Variants in SYT1 observed in about 807,000 individuals in gnomAD.
SYT1 encodes synaptotagmin-1.
In SYT1, 8 loss-of-function variants were observed where a neutral mutation model predicts 44.8. The ratio of observed to expected loss-of-function variants is 0.18; its 90% confidence interval spans 0.10 to 0.32. SYT1 has a LOEUF of 0.32. SYT1 is among the 10% of genes least tolerant of loss of function. The probability of loss-of-function intolerance (pLI) is 1.00; values close to 1 mark genes in which losing one functional copy is unlikely to be tolerated. For synonymous variants in SYT1, 154 were observed against 188.8 expected, an observed-to-expected ratio of 0.82 and a Z score of 1.51; for missense variants, 286 against 509.3, an observed-to-expected ratio of 0.56 and a Z score of 4.22.
chr12:79,241,002 A>T (rs1876471090), intron 4 of SYT1, among the ~76,000 whole-genome samples: 1 of 152,072 alleles, frequency 6.6e-6, no homozygotes, highest in Non-Finnish European at 1.5e-5. Context: ...GCAAGATCCC[A>T]TCTCTATAAA....
At chr12:79,290,851 C>A (rs1223355717) in intron 5 of SYT1, among the ~76,000 whole-genome samples, 1 of 152,140 alleles carries the variant, frequency 6.6e-6, no homozygotes, top group East Asian at 1.9e-4. Flanking sequence ...AGGATATGTA[C>A]AGGCAGTCCC....
intron 3 of SYT1, among the ~76,000 whole-genome samples, chr12:79,104,426 A>G (rs1470848952): frequency 1.3e-5 from 2 of 152,106 alleles, no homozygotes; most frequent in Non-Finnish European, 2.9e-5. Context: ...TAATCGCTAC[A>G]AAATCCTAAG....
At chr12:79,293,380 TAAAATAAAATAAAATAAAATAAAATAAAA>T (rs1565894538) in intron 6 of SYT1, among the ~76,000 whole-genome samples, 17 of 135,158 alleles carry the variant, frequency 1.3e-4, no homozygotes, top group African/African-American at 5.0e-4. Flanking sequence ...TAAAATAAAA[TAAAATAAAATAAAATAAAATAAAATAAAA>T]TTAAAAAATC....
chr12:78,952,213 T>G (rs966756808), intron 1 of SYT1, among the ~76,000 whole-genome samples: 1 of 152,096 alleles, frequency 6.6e-6, no homozygotes, highest in African/African-American at 2.4e-5. Context: ...TTTCATAATA[T>G]AATAAAACTT....
chr12:79,245,473 C>CAA (rs1273397377), intron 4 of SYT1, among the ~76,000 whole-genome samples: 1,461 of 43,546 alleles, frequency 0.034, 72 homozygotes, highest in African/African-American at 0.11. Context: ...ACTCCGTCAA[C>CAA]AAAAAAAAAA....
At chr12:78,917,745 G>A (rs891100879) in intron 1 of SYT1, among the ~76,000 whole-genome samples, 5 of 151,974 alleles carry the variant, frequency 3.3e-5, no homozygotes, top group East Asian at 1.9e-4. Context: ...TGGTTGTTTT[G>A]TAATCTTGAC....
intron 3 of SYT1, among the ~76,000 whole-genome samples, chr12:79,205,939 CCTCATT>C (rs998198067): frequency 6.6e-6 from 1 of 151,988 alleles, no homozygotes; most frequent in Non-Finnish European, 1.5e-5. Flanking sequence ...CATATTTTCT[CCTCATT>C]CTTTAGGAAA....
At chr12:79,180,439 T>C (rs1413285405) in intron 3 of SYT1, among the ~76,000 whole-genome samples, 1 of 150,948 alleles carries the variant, frequency 6.6e-6, no homozygotes, top group Non-Finnish European at 1.5e-5. Flanking sequence ...ATTCTCACAT[T>C]GTTATAAAGA....
chr12:79,196,503 A>G (rs1010564319), intron 3 of SYT1, among the ~76,000 whole-genome samples: 1 of 152,174 alleles, frequency 6.6e-6, no homozygotes, highest in Non-Finnish European at 1.5e-5. Flanking sequence ...CTCCTCTCAA[A>G]CTCGAAGAAC....
intron 1 of SYT1, among the ~76,000 whole-genome samples, chr12:78,961,700 T>C (rs1879513550): frequency 6.6e-6 from 1 of 152,090 alleles, no homozygotes; most frequent in Non-Finnish European, 1.5e-5. Flanking sequence ...CTTGAAACTA[T>C]TTAGGCAGAA....
At chr12:79,115,132 T>C (rs769095338) in intron 3 of SYT1, among the ~76,000 whole-genome samples, 7 of 152,154 alleles carry the variant, frequency 4.6e-5, no homozygotes, top group Non-Finnish European at 5.9e-5. Context: ...AGTAAAAAGC[T>C]TGTGTAGAAC....
At chr12:78,876,921 AAT>A (rs1565698013) in intron 1 of SYT1, among the ~76,000 whole-genome samples, 3 of 28,104 alleles carry the variant, frequency 1.1e-4, no homozygotes, top group Non-Finnish European at 2.8e-4. Flanking sequence ...TATTATATAT[AAT>A]ATATATTATA....
intron 8 of SYT1, among the ~76,000 whole-genome samples, chr12:79,337,741 C>A (rs150842005): frequency 6.6e-6 from 1 of 152,332 alleles, no homozygotes; most frequent in Non-Finnish European, 1.5e-5. Context: ...AGCACACTTT[C>A]TGGCATATTG....
At chr12:79,310,856 C>T (rs1880746287) in intron 8 of SYT1, among the ~76,000 whole-genome samples, 1 of 152,146 alleles carries the variant, frequency 6.6e-6, no homozygotes, top group Admixed American at 6.6e-5. Context: ...GATTTTTGTA[C>T]ATTGATTTTG....
chr12:79,382,767 C>T (rs949874875), intron 9 of SYT1, among the ~76,000 whole-genome samples: 1 of 152,144 alleles, frequency 6.6e-6, no homozygotes, highest in Non-Finnish European at 1.5e-5. Flanking sequence ...GCAAATGTTA[C>T]GTGCTCCAAA....
intron 1 of SYT1, among the ~76,000 whole-genome samples, chr12:78,899,890 A>G (rs17045890): frequency 0.081 from 12,248 of 152,072 alleles, 579 homozygotes; most frequent in African/African-American, 0.13. Context: ...TCTTTGAAGC[A>G]AAGTCATTAA....
intron 2 of SYT1, among the ~76,000 whole-genome samples, chr12:79,030,057 A>G (rs1193943681): frequency 6.6e-6 from 1 of 151,146 alleles, no homozygotes; most frequent in East Asian, 1.9e-4. Flanking sequence ...ATACACTTCT[A>G]TGAAAGAAGC....
At chr12:79,305,997 C>T (rs1052936567) in intron 8 of SYT1, among the ~76,000 whole-genome samples, 1 of 152,102 alleles carries the variant, frequency 6.6e-6, no homozygotes, top group Non-Finnish European at 1.5e-5. Flanking sequence ...GCACCTGGCC[C>T]ACACCATTTT....
At position 78,894,641 on chromosome 12, in the gene SYT1, A is replaced by C. The variant is rs1875254946; in HGVS notation, c.-217+29532A>C. ...GACAACTCATTATGAGCTAGTTCTT[A>C]CAATTACGGCTATTTAAAGCCAGGC... On this transcript the variant is annotated intron_variant, in intron 1 of 10. Coordinates refer to ENST00000261205, the MANE Select transcript of SYT1 (RefSeq NM_005639.3). Among the ~76,000 whole-genome samples, 3 of 151,638 alleles carry C rather than the reference A, an allele frequency of 2.0e-5. No homozygotes were observed. In the South Asian group the frequency reaches 6.2e-4, roughly 31 times the overall value.
Sources: gnomAD v4.1 joint callset for allele counts (sites outside exome capture counted in the v4.1 genomes callset) on GRCh38, gnomAD v4.1.1 for gene constraint, MANE v1.5 for transcripts, NCBI Gene and HGNC (gene_info 2026-07-23, HGNC 2026-07-21) for gene names.